GNAS-AS1: variants seen among roughly 807,000 people sequenced by gnomAD.
GNAS-AS1 encodes GNAS antisense RNA 1 (non-protein coding).
chr20:58,839,297 G>T (rs1033437299), intron 4 of GNAS-AS1: 1 of 398,514 alleles, frequency 2.5e-6, no homozygotes, highest in African/African-American at 2.1e-5. Context: ...ATGGCTGCCC[G>T]AAGTTACCAT....
At chr20:58,839,664 G>GC (rs1294460433) in intron 4 of GNAS-AS1, 4 of 428,906 alleles carry the variant, frequency 9.3e-6, no homozygotes, top group South Asian at 8.4e-5. Flanking sequence ...CGGGGAGGTG[G>GC]CCCCCACCTC....
chr20:58,826,863 C>CTTTTTTTTTTTTTTTTTTTTTTTTTTTTT (rs57146714), intron 4 of GNAS-AS1: 6 of 85,748 alleles, frequency 7.0e-5, no homozygotes, highest in Admixed American at 1.4e-4. Context: ...CCATGCCTGG[C>CTTTTTTTTTTTTTTTTTTTTTTTTTTTTT]TTTTTTTTTT....
chr20:58,837,294 C>T (rs2085610118), intron 4 of GNAS-AS1, among the ~76,000 whole-genome samples: 1 of 152,092 alleles, frequency 6.6e-6, no homozygotes, highest in Non-Finnish European at 1.5e-5. Flanking sequence ...TCTCTGGAAA[C>T]GTGCCCCATT....
chr20:58,839,519 T>C (rs1283369178), intron 4 of GNAS-AS1: 5 of 404,024 alleles, frequency 1.2e-5, no homozygotes, highest in Non-Finnish European at 2.2e-5. Context: ...TGGGGCTAGC[T>C]TGCCGCTTGC....
chr20:58,823,082 T>C (rs995435079), intron 4 of GNAS-AS1, among the ~76,000 whole-genome samples: 1 of 152,140 alleles, frequency 6.6e-6, no homozygotes, highest in Admixed American at 6.6e-5. Flanking sequence ...CAAGCCTTAA[T>C]CCCACTCAGC....
At position 58,841,131 on chromosome 20, in the gene GNAS-AS1, G is replaced by C. The variant is rs987236342; in HGVS notation, n.819+806C>G. On this transcript the variant is annotated intron_variant and non_coding_transcript_variant, in intron 4 of 4. Transcript: ENST00000424094. This position sits in a 1 kb window ranked among gnomAD's most constrained non-coding sequence, Gnocchi z 5.0. ...GGCGCACGCCGTGCGTCCCGCTGGA[G>C]ACAACCTGAGGTCTCCGAGCTGGTG... is the stretch of plus-strand genomic sequence containing the variant. Among the ~76,000 whole-genome samples, 3 of 152,236 alleles carry C rather than the reference G, an allele frequency of 2.0e-5. No individual in the cohort carries two copies. Among genetic ancestry groups the C allele is most frequent in the South Asian group, 2.1e-4 (1 of 4,830 alleles).
chr20:58,842,198 C>CGTGCTCTCCTCGCCA (rs1193194810), exon 4 of GNAS-AS1: 29 of 398,468 alleles, frequency 7.3e-5, no homozygotes, highest in Non-Finnish European at 1.2e-4. Context: ...GAAGGGAAGG[C>CGTGCTCTCCTCGCCA]GTGCTCTCCT....
chr20:58,848,554 G>C (rs1276066965), intron 2 of GNAS-AS1, among the ~76,000 whole-genome samples: 1 of 152,152 alleles, frequency 6.6e-6, no homozygotes, highest in Non-Finnish European at 1.5e-5. Flanking sequence ...TCCTAAAAAA[G>C]CCCCGGCAAG....
chr20:58,835,925 C>G (rs2085599579), intron 4 of GNAS-AS1, among the ~76,000 whole-genome samples: 1 of 132,096 alleles, frequency 7.6e-6, no homozygotes, highest in Non-Finnish European at 1.7e-5. Flanking sequence ...GCCTCCACGC[C>G]CTGCCTTGGT....
intron 2 of GNAS-AS1, among the ~76,000 whole-genome samples, chr20:58,843,016 T>C (rs6123832): frequency 0.58 from 88,743 of 152,078 alleles, 26,840 homozygotes; most frequent in East Asian, 0.8. Context: ...AAGCCCAACA[T>C]AGGGATGTTT....
At chr20:58,825,222 C>T (rs1429758709) in intron 4 of GNAS-AS1, among the ~76,000 whole-genome samples, 2 of 152,228 alleles carry the variant, frequency 1.3e-5, no homozygotes, top group African/African-American at 4.8e-5. Flanking sequence ...GAGAACTCTT[C>T]CTACCTCTCC....
At chr20:58,830,472 CCAT>C (rs1368688140) in intron 4 of GNAS-AS1, among the ~76,000 whole-genome samples, 33 of 111,720 alleles carry the variant, frequency 3.0e-4, no homozygotes, top group Non-Finnish European at 3.7e-4. Flanking sequence ...CACCACACCA[CCAT>C]CATCACCATC....
chr20:58,826,545 G>A (rs568382956), intron 4 of GNAS-AS1, among the ~76,000 whole-genome samples: 51 of 152,266 alleles, frequency 3.3e-4, no homozygotes, highest in Admixed American at 5.2e-4. Context: ...GGCCATTCCC[G>A]GCTTAAACTG....
chr20:58,821,449 T>C (rs2145449314), intron 4 of GNAS-AS1, among the ~76,000 whole-genome samples: 1 of 152,392 alleles, frequency 6.6e-6, no homozygotes, highest in Admixed American at 6.5e-5. Flanking sequence ...ATTTTCCTGC[T>C]GTGTGGCCTT....
At position 58,840,075 on chromosome 20, in the gene GNAS-AS1, G is replaced by A; in HGVS notation, n.819+1862C>T. 6.2e-7 allele frequency: 1 copy of A among 1,607,698 alleles called. No individual in the cohort carries two copies. Among genetic ancestry groups the A allele is most frequent in the Non-Finnish European group, 8.5e-7 (1 of 1,179,678 alleles). The stretch of plus-strand genomic sequence containing the variant: ...GAGCCACTCTCTGCAGAGCCAGAGG[G>A]CAGGCCGGCTTCTCGGTGTGTGCCT... On this transcript the variant is annotated intron_variant and non_coding_transcript_variant, in intron 4 of 4. Transcript: ENST00000424094. The surrounding 1 kb of genome is among the most constrained non-coding windows in gnomAD (Gnocchi z 6.0).
At chr20:58,824,874 C>T (rs2085509468) in intron 4 of GNAS-AS1, among the ~76,000 whole-genome samples, 1 of 152,198 alleles carries the variant, frequency 6.6e-6, no homozygotes. Context: ...ACCCAGCTCC[C>T]CTCACCCAAT....
At chr20:58,822,774 T>A (rs764070094) in intron 4 of GNAS-AS1, among the ~76,000 whole-genome samples, 1 of 152,138 alleles carries the variant, frequency 6.6e-6, no homozygotes, top group Admixed American at 6.5e-5. Flanking sequence ...CCTTGGCAGA[T>A]AAATAAGTCG....
chr20:58,823,619 C>T (rs2085500865), intron 4 of GNAS-AS1, among the ~76,000 whole-genome samples: 1 of 152,244 alleles, frequency 6.6e-6, no homozygotes, highest in African/African-American at 2.4e-5. Flanking sequence ...CAGGTCTTTC[C>T]ACATGGATGG....
intron 2 of GNAS-AS1, chr20:58,842,682 A>G (rs1384645479): frequency 2.5e-6 from 1 of 395,778 alleles, no homozygotes; most frequent in African/African-American, 2.1e-5. Context: ...TTCCTGCTTA[A>G]TGTAAACAAT....
Sources: gnomAD v4.1 joint callset for allele counts (sites outside exome capture counted in the v4.1 genomes callset) on GRCh38, gnomAD v4.1.1 for gene constraint, Gnocchi (gnomAD v3.1) non-coding constraint, MANE v1.5 for transcripts, NCBI Gene and HGNC (gene_info 2026-07-23, HGNC 2026-07-21) for gene names.